The following NSMAF variants were observed in gnomAD, a reference collection of about 807,000 sequenced individuals.
NSMAF encodes the protein protein FAN.
In NSMAF, 90 loss-of-function variants were observed where a neutral mutation model predicts 134.9. That is an observed-to-expected ratio of 0.67 (90% CI 0.56 to 0.79). The LOEUF is 0.79. Among genes scored for constraint, NSMAF ranks in the 30% least tolerant of loss-of-function variants. The pLI is 0.00. For missense variants in NSMAF, 1,010 were observed against 1,119.0 expected (o/e 0.90, Z 1.39); for synonymous variants, 358 against 389.6 (o/e 0.92, Z 0.96).
At chr8:58,631,595 T>A (rs748683371) in intron 5 of NSMAF, 49 bp from the exon 6 acceptor site, 9 of 1,018,788 alleles carry the variant, frequency 8.8e-6, no homozygotes, top group African/African-American at 1.7e-5. Flanking sequence ...AAATGTTTCA[T>A]TGTAAAGAGT....
intron 30 of NSMAF, among the ~76,000 whole-genome samples, chr8:58,584,870 C>T (rs1029023861): frequency 3.3e-5 from 5 of 152,166 alleles, no homozygotes; most frequent in Non-Finnish European, 7.4e-5. Context: ...AACTCTTGAC[C>T]TCCCACTCTG....
intron 6 of NSMAF, among the ~76,000 whole-genome samples, chr8:58,624,231 AGGGC>A (rs1431798004): frequency 6.6e-6 from 1 of 151,582 alleles, no homozygotes; most frequent in African/African-American, 2.4e-5. Flanking sequence ...TAGTAGAGAC[AGGGC>A]GGGGTTTCAC....
At chr8:58,629,668 G>A (rs1218882283) in intron 6 of NSMAF, among the ~76,000 whole-genome samples, 1 of 152,120 alleles carries the variant, frequency 6.6e-6, no homozygotes, top group Admixed American at 6.5e-5. Flanking sequence ...CAGTCTCTAA[G>A]GACTGGCTTC....
At chr8:58,651,793 A>T (rs1807588447) in intron 1 of NSMAF, among the ~76,000 whole-genome samples, 1 of 152,262 alleles carries the variant, frequency 6.6e-6, no homozygotes, top group East Asian at 1.9e-4. Flanking sequence ...CACACAATCA[A>T]CTGGGGATCT....
chr8:58,607,752 G>A lies in NSMAF; in HGVS notation c.759+17C>T. 1 of 1,606,154 alleles carries A rather than the reference G, an allele frequency of 6.2e-7. No homozygotes were observed. The highest frequency in any genetic ancestry group is 1.1e-5 in the South Asian group (1 of 90,928). ...AGTGTGACAATCATGCCCCAGCACA[G>A]CCTCCCAAGGACTCACCAGAGGCAT... On this transcript the variant is annotated intron_variant, in intron 11 of 30. Transcript: ENST00000038176.
At chr8:58,632,324 C>T (rs1807072602) in intron 5 of NSMAF, among the ~76,000 whole-genome samples, 1 of 152,074 alleles carries the variant, frequency 6.6e-6, no homozygotes, top group Admixed American at 6.6e-5. Flanking sequence ...CTGTCTGTAC[C>T]TTCCCTTGGG....
rs1805920981 is a variant in NSMAF at position 58,587,661 on chromosome 8, C to T, written c.2252G>A (p.Arg751Lys). ...GVPAEMPGTK[R>K]HHFDLLAELE... ...CTCGGCCAGCAAGTCAAAGTGGTGT[C>T]TTTTGGTGCCTGGCATCTCTGCAGG... The change falls in exon 27 of 31, where the codon AGA becomes AAA. Residue 751 changes from arginine to lysine, a missense_variant. Transcript: ENST00000038176. 1.9e-6 allele frequency: 3 copies of T among 1,614,180 alleles called. No homozygotes were observed. The highest frequency in any genetic ancestry group is 4.5e-5 in the East Asian group (2 of 44,880).
intron 2 of NSMAF, among the ~76,000 whole-genome samples, chr8:58,637,829 C>CA (rs1807237500): frequency 6.6e-6 from 1 of 152,102 alleles, no homozygotes; most frequent in African/African-American, 2.4e-5. Flanking sequence ...AACTACAAAA[C>CA]ACTGATGAAA....
intron 5 of NSMAF, among the ~76,000 whole-genome samples, chr8:58,633,926 T>G (rs978336099): frequency 2.6e-5 from 4 of 152,138 alleles, no homozygotes; most frequent in African/African-American, 9.7e-5. Flanking sequence ...GTGGAGGAAT[T>G]TGGGGGCTTT....
chr8:58,608,284 TAC>T (rs1011804846), intron 10 of NSMAF, among the ~76,000 whole-genome samples: 10 of 152,236 alleles, frequency 6.6e-5, no homozygotes, highest in African/African-American at 2.2e-4. Context: ...CATTAAAAAT[TAC>T]AGTGTATTAA....
intron 6 of NSMAF, among the ~76,000 whole-genome samples, chr8:58,630,022 G>A (rs1462457035): frequency 5.3e-5 from 8 of 152,188 alleles, no homozygotes; most frequent in African/African-American, 1.4e-4. Context: ...AACTCTGGAT[G>A]TATAGTCCAA....
intron 6 of NSMAF, among the ~76,000 whole-genome samples, chr8:58,627,099 C>T (rs1806950218): frequency 6.6e-6 from 1 of 152,158 alleles, no homozygotes; most frequent in Admixed American, 6.5e-5. Flanking sequence ...CTCGTAGATT[C>T]TGGATGTTAG....
At chr8:58,641,900 T>C (rs892013184) in intron 2 of NSMAF, among the ~76,000 whole-genome samples, 5 of 152,208 alleles carry the variant, frequency 3.3e-5, no homozygotes, top group African/African-American at 1.2e-4. Flanking sequence ...CTACCTGTAG[T>C]TGTATTTTAA....
chr8:58,586,812 A>G (rs1474101899), intron 27 of NSMAF, among the ~76,000 whole-genome samples: 1 of 152,244 alleles, frequency 6.6e-6, no homozygotes, highest in Non-Finnish European at 1.5e-5. Flanking sequence ...TTTATAAGCT[A>G]GGGAATACAA....
intron 2 of NSMAF, among the ~76,000 whole-genome samples, chr8:58,642,267 C>T (rs1274712584): frequency 6.6e-6 from 1 of 152,170 alleles, no homozygotes. Context: ...TGTTAAGTAA[C>T]CTCCCAAAAG....
chr8:58,635,241 AAGTC>A lies in NSMAF; in HGVS notation c.297-20_297-17del. ...AGATTTTGCCCTAAAATACAGATAA[AAGTC>A]ATTAAATATATACAGCTTTTTGGTT... On this transcript the variant is annotated splice_polypyrimidine_tract_variant and intron_variant, in intron 4 of 30. Transcript: ENST00000038176. The A allele has an allele frequency of 6.2e-7, 1 of 1,611,140 alleles. No homozygotes were observed. Among genetic ancestry groups the A allele is most frequent in the Non-Finnish European group, 8.5e-7 (1 of 1,177,722 alleles).
At chr8:58,638,496 A>G (rs1807255079) in intron 2 of NSMAF, among the ~76,000 whole-genome samples, 1 of 152,152 alleles carries the variant, frequency 6.6e-6, no homozygotes. Flanking sequence ...TCAACTAATC[A>G]TCCACAAAGG....
rs780866063 is a variant in NSMAF at position 58,635,543 on chromosome 8, T to C, written c.153A>G (p.Lys51=). Residue 51 remains lysine, a synonymous_variant, in exon 3 of 31, where the codon AAA becomes AAG. Transcript: ENST00000038176. The part of the protein sequence containing the change: ...ILHKGSHHER[K]IRGSLKICSK... The stretch of plus-strand genomic sequence containing the variant: ...AACATATTTTTAAGGAGCCTCTGAT[T>C]TTCCTAGGGATCCAAGTACAACAGA... 6.3e-7 allele frequency: 1 copy of C among 1,590,528 alleles called. No individual in the cohort carries two copies. The highest frequency in any genetic ancestry group is 8.6e-7 in the Non-Finnish European group (1 of 1,167,272).
At chr8:58,634,752 G>C (rs935367035) in intron 5 of NSMAF, among the ~76,000 whole-genome samples, 1 of 152,088 alleles carries the variant, frequency 6.6e-6, no homozygotes, top group African/African-American at 2.4e-5. Flanking sequence ...TAAATATAAA[G>C]GGAATAAATC....
Sources: gnomAD v4.1 joint callset for allele counts (sites outside exome capture counted in the v4.1 genomes callset) on GRCh38, gnomAD v4.1.1 for gene constraint, MANE v1.5 for transcripts, NCBI Gene and HGNC (gene_info 2026-07-23, HGNC 2026-07-21) for gene names.